IGSF5: variants seen among roughly 807,000 people sequenced by gnomAD.
IGSF5 encodes the protein immunoglobulin superfamily member 5.
In IGSF5, 41 loss-of-function variants were observed where a neutral mutation model predicts 39.4. The observed-to-expected ratio is 1.04, with a 90% CI of 0.81 to 1.35. IGSF5 has a LOEUF of 1.35. Among genes scored for constraint, IGSF5 ranks in the 40% most tolerant of loss-of-function variants. IGSF5 has a pLI of 0.00. For missense variants in IGSF5, 487 were observed against 494.6 expected, an observed-to-expected ratio of 0.98 and a Z score of 0.15; for synonymous variants, 183 against 175.3, an observed-to-expected ratio of 1.04 and a Z score of -0.34.
chr21:39,786,105 A>G (rs2086917796), intron 5 of IGSF5, among the ~76,000 whole-genome samples: 1 of 151,884 alleles, frequency 6.6e-6, no homozygotes, highest in Non-Finnish European at 1.5e-5. Flanking sequence ...AAATTGACAA[A>G]TGGGATCTAA....
intron 4 of IGSF5, among the ~76,000 whole-genome samples, chr21:39,777,126 A>G (rs2080145399): frequency 6.6e-6 from 1 of 152,204 alleles, no homozygotes; most frequent in South Asian, 2.1e-4. Flanking sequence ...CAGGAAACCT[A>G]AAGTTCTCGC....
At position 39,765,577 on chromosome 21, in the gene IGSF5, C is replaced by T. The variant is rs1262618586; in HGVS notation, c.143C>T (p.Ala48Val). Residue 48 changes from alanine to valine, a missense_variant, in exon 3 of 9, where the codon GCA becomes GTA. Transcript: ENST00000380588. ...GAAGTCATAGAAGGCCCCCAAAATGCAAGAGTCCTGAAGGGCTCCCAGGCT... is the reference window on the plus strand; with the variant it reads ...GAAGTCATAGAAGGCCCCCAAAATGTAAGAGTCCTGAAGGGCTCCCAGGCT... ...GNEVIEGPQN[A>V]RVLKGSQARF... 1 of 1,613,964 alleles carries T rather than the reference C, an allele frequency of 6.2e-7. No homozygotes were observed. The highest frequency in any genetic ancestry group is 8.5e-7 in the Non-Finnish European group (1 of 1,179,990).
the IGSF5 span, among the ~76,000 whole-genome samples, chr21:39,735,177 C>A: frequency 6.6e-6 from 1 of 152,112 alleles, no homozygotes; most frequent in African/African-American, 2.4e-5. Context: ...AAAGGATAAT[C>A]ATTTTTAAAA....
chr21:39,795,777 C>T (rs376192913), intron 8 of IGSF5, among the ~76,000 whole-genome samples: 5 of 152,048 alleles, frequency 3.3e-5, no homozygotes, highest in Admixed American at 1.3e-4. Flanking sequence ...GGACTGGTAA[C>T]GTAGTCTCGT....
chr21:39,779,072 T>C lies in IGSF5; in HGVS notation c.719-18T>C. The C allele has an allele frequency of 6.2e-7, 1 of 1,610,264 alleles. No individual in the cohort carries two copies. Among genetic ancestry groups the C allele is most frequent in the Non-Finnish European group, 8.5e-7 (1 of 1,177,170 alleles). The stretch of plus-strand genomic sequence containing the variant: ...AGGCAGTGCAAGTATCACTAAAATA[T>C]ATTTTTTTCTTCTTTAGACACTGGA... On this transcript the variant is annotated intron_variant, in intron 4 of 8. Transcript: ENST00000380588.
At chr21:39,755,442 C>A (rs1270887469) in intron 2 of IGSF5, among the ~76,000 whole-genome samples, 1 of 152,066 alleles carries the variant, frequency 6.6e-6, no homozygotes, top group East Asian at 2.0e-4. Context: ...AAAAAATTAG[C>A]CGAGCATGGT....
intron 7 of IGSF5, among the ~76,000 whole-genome samples, chr21:39,792,418 T>C (rs1035539728): frequency 6.6e-6 from 1 of 152,072 alleles, no homozygotes; most frequent in African/African-American, 2.4e-5. Context: ...TTAGGAGATA[T>C]ACCTAATGTA....
At chr21:39,732,481 T>G in the IGSF5 span, among the ~76,000 whole-genome samples, 1 of 152,174 alleles carries the variant, frequency 6.6e-6, no homozygotes. Context: ...AGGACTGCAA[T>G]GGACAGAGAA....
intron 3 of IGSF5, among the ~76,000 whole-genome samples, chr21:39,767,828 C>A (rs1198260417): frequency 6.6e-6 from 1 of 152,120 alleles, no homozygotes; most frequent in Non-Finnish European, 1.5e-5. Flanking sequence ...GTCAATAAAG[C>A]CTTCATGGAT....
At chr21:39,724,989 C>G in the IGSF5 span, among the ~76,000 whole-genome samples, 5,100 of 152,320 alleles carry the variant, frequency 0.033, 100 homozygotes, top group Middle Eastern at 0.044. Context: ...AGTATTTACA[C>G]CCTAGAGAGC....
intron 8 of IGSF5, among the ~76,000 whole-genome samples, chr21:39,800,564 C>A (rs911751971): frequency 6.6e-6 from 1 of 152,178 alleles, no homozygotes; most frequent in Non-Finnish European, 1.5e-5. Context: ...GAGCGTGAGC[C>A]AGAGTAATTC....
At chr21:39,718,331 AC>A in the IGSF5 span, among the ~76,000 whole-genome samples, 4 of 152,112 alleles carry the variant, frequency 2.6e-5, no homozygotes, top group South Asian at 2.1e-4. Flanking sequence ...CTATTTGGAT[AC>A]CCTTTCTTTC....
At chr21:39,743,469 T>G (rs74507563), upstream of IGSF5, among the ~76,000 whole-genome samples, 7,275 of 104,570 alleles carry the variant, frequency 0.07, no homozygotes, top group Non-Finnish European at 0.078. Context: ...AGAGAAAAAG[T>G]TACATGCACT....
At chr21:39,721,235 T>C in the IGSF5 span, among the ~76,000 whole-genome samples, 1 of 152,166 alleles carries the variant, frequency 6.6e-6, no homozygotes, top group African/African-American at 2.4e-5. Flanking sequence ...CTTGGCAATA[T>C]CGTGAGATCT....
chr21:39,793,467 A>C, intron 7 of IGSF5, 67 bp from the exon 8 acceptor site: 1 of 1,204,922 alleles, frequency 8.3e-7, no homozygotes. Flanking sequence ...TTTATAAATC[A>C]GAATTGTTAG....
chr21:39,732,980 C>G, the IGSF5 span, among the ~76,000 whole-genome samples: 2 of 151,946 alleles, frequency 1.3e-5, no homozygotes, highest in African/African-American at 4.8e-5. Context: ...GAACCATGAT[C>G]ACACCACTGC....
At chr21:39,717,815 C>T in the IGSF5 span, among the ~76,000 whole-genome samples, 11 of 152,116 alleles carry the variant, frequency 7.2e-5, no homozygotes, top group Admixed American at 6.6e-4. Context: ...ATTGCCTTGA[C>T]TATTTGGGCT....
intron 3 of IGSF5, among the ~76,000 whole-genome samples, chr21:39,769,117 G>A (rs1472541372): frequency 6.6e-6 from 1 of 152,152 alleles, no homozygotes; most frequent in African/African-American, 2.4e-5. Context: ...AGTGCAATGG[G>A]TTTCAACATA....
At chr21:39,742,852 AGTTCAATAGG>A (rs948302628), upstream of IGSF5, among the ~76,000 whole-genome samples, 2 of 152,048 alleles carry the variant, frequency 1.3e-5, no homozygotes, top group Non-Finnish European at 2.9e-5. Context: ...GAGGTTGCCA[AGTTCAATAGG>A]GTTTCTAAGT....
Sources: allele counts gnomAD v4.1 joint callset (sites outside exome capture counted in the v4.1 genomes callset), GRCh38; gene constraint gnomAD v4.1.1; transcripts MANE v1.5; gene names NCBI Gene and HGNC (gene_info 2026-07-23, HGNC 2026-07-21).